NPFFR1: variants seen among roughly 807,000 people sequenced by gnomAD.
NPFFR1 encodes the protein G-protein coupled receptor 147.
In NPFFR1, 17 loss-of-function variants were observed where a neutral mutation model predicts 12.7. The observed-to-expected ratio is 1.34, with a 90% CI of 0.92 to 2.01. NPFFR1 has a LOEUF of 2.01. NPFFR1 is among the 30% of genes most tolerant of loss of function. The pLI is 0.00. For synonymous variants in NPFFR1, 296 were observed against 264.5 expected (o/e 1.12, Z -1.16); for missense variants, 604 against 606.5 (o/e 1.00, Z 0.04).
rs754778980 is a variant in NPFFR1, at chr10:70,255,532, C to T, written c.718G>A (p.Ala240Thr). The T allele has an allele frequency of 3.9e-6, 6 of 1,548,910 alleles. No homozygotes were observed. Among genetic ancestry groups the T allele is most frequent in the East Asian group, 2.5e-5 (1 of 40,812 alleles). The part of the protein sequence containing the change: ...ALIVVMYARI[A>T]RKLCQAPGPA... ...CCCGGGGCCTGGCAGAGCTTGCGCG[C>T]GATGCGGGCGTACATGACCACGATG... The change falls in exon 4 of 4, where the codon GCG (alanine) becomes ACG (threonine). Residue 240 changes from alanine to threonine, a missense_variant. Ala to Thr is a moderately conservative substitution (Grantham distance 58). Transcript: ENST00000277942. This position sits in a 1 kb window ranked among gnomAD's most constrained non-coding sequence, Gnocchi z 4.2.
At chr10:70,261,112 T>G (rs551812151) in intron 2 of NPFFR1, among the ~76,000 whole-genome samples, 1 of 152,254 alleles carries the variant, frequency 6.6e-6, no homozygotes, top group African/African-American at 2.4e-5. Flanking sequence ...CATCTTGAAT[T>G]GTAGCTCCCA....
intron 2 of NPFFR1, among the ~76,000 whole-genome samples, chr10:70,265,503 A>G (rs896081488): frequency 1.3e-5 from 2 of 152,160 alleles, no homozygotes; most frequent in East Asian, 3.8e-4. Context: ...ACTCCAAGGG[A>G]CAGAGAGCTC....
At position 70,266,077 on chromosome 10, in the gene NPFFR1, C is replaced by T. The variant is rs780011931; in HGVS notation, c.322G>A (p.Gly108Arg). The T allele has an allele frequency of 6.2e-7, 1 of 1,613,228 alleles. No homozygotes were observed. The highest frequency in any genetic ancestry group is 1.1e-5 in the South Asian group (1 of 90,940). Residue 108 changes from glycine (G) to arginine (R), a missense_variant and splice_region_variant, in exon 2 of 4, where the codon GGG becomes AGG. By Grantham distance (125) the Gly-to-Arg change is moderately radical. Transcript: ENST00000277942. ...PTTLVDNLIT[G>R]WPFDNATCKM... ...CCTGCTGCCAACTGCCCGCACTCAC[C>T]AGTGATGAGGTTGTCCACAAGGGTG...
rs372225257 is a variant in NPFFR1 at position 70,250,119 on chromosome 10, C to G, written c.*4838G>C. Reference sequence around the variant, plus strand: ...AGAGATGGGGTTTCCCCATATTGGCCAGGCTGGTCTTGAACTCCTGACCTC... The same window carrying G: ...AGAGATGGGGTTTCCCCATATTGGCGAGGCTGGTCTTGAACTCCTGACCTC... On this transcript the variant is annotated 3_prime_UTR_variant, in exon 4 of 4. Transcript: ENST00000277942. 6.6e-6 allele frequency: 1 copy of G among 152,114 alleles called. No individual in the cohort carries two copies. Among genetic ancestry groups the G allele is most frequent in the Admixed American group, 6.6e-5 (1 of 15,260 alleles). 9.4% of individuals were successfully genotyped at this position (152,114 alleles called of 1,614,324 possible). A position where few individuals can be genotyped will look rare whatever the true frequency, so the allele number is the denominator to read the frequency against.
At chr10:70,280,174 G>A (rs1015248595) in intron 1 of NPFFR1, among the ~76,000 whole-genome samples, 7 of 152,136 alleles carry the variant, frequency 4.6e-5, no homozygotes, top group East Asian at 1.9e-4. Context: ...TGTGGATAGC[G>A]CTGCAATAAA....
rs556631138 is a variant in NPFFR1 at position 70,283,898 on chromosome 10, C to G, written c.-222G>C. Among the ~76,000 whole-genome samples the G allele has an allele frequency of 6.6e-6, 1 of 152,182 alleles. No homozygotes were observed. Among genetic ancestry groups the G allele is most frequent in the Non-Finnish European group, 1.5e-5 (1 of 68,012 alleles). On this transcript the variant is annotated 5_prime_UTR_variant, in exon 1 of 4. Coordinates refer to ENST00000277942, the MANE Select transcript of NPFFR1 (RefSeq NM_022146.5). ...CCCTCCCCTCGGGCTGACTGGCTCC[C>G]GCGCAGCGCTGCTGCCCGCAGGGCT...
chr10:70,264,693 A>G (rs1365049866), intron 2 of NPFFR1, among the ~76,000 whole-genome samples: 1 of 152,198 alleles, frequency 6.6e-6, no homozygotes, highest in African/African-American at 2.4e-5. Flanking sequence ...GCACTCGCAT[A>G]AAATAGTGTT....
At chr10:70,276,388 G>A (rs1840804670) in intron 1 of NPFFR1, among the ~76,000 whole-genome samples, 1 of 152,076 alleles carries the variant, frequency 6.6e-6, no homozygotes, top group African/African-American at 2.4e-5. Flanking sequence ...GAAATATTCT[G>A]ATAAACTTGT....
rs374174111 is a variant in NPFFR1, at chr10:70,266,126, C to A, written c.273G>T (p.Leu91=). The stretch of plus-strand genomic sequence containing the variant: ...TGGTGGGCATGCAGAAGATGCCCAC[C>A]AGCAGGTCACTGACAGCCAGGTTGA... ...FILNLAVSDL[L]VGIFCMPTTL... The change falls in exon 2 of 4, where the codon CTG becomes CTT. Residue 91 remains leucine, a synonymous_variant. Coordinates refer to ENST00000277942, the MANE Select transcript of NPFFR1 (RefSeq NM_022146.5). 3.1e-6 allele frequency: 5 copies of A among 1,614,024 alleles called. No homozygotes were observed. Among genetic ancestry groups the A allele is most frequent in the Non-Finnish European group, 4.2e-6 (5 of 1,179,896 alleles).
rs751131927 is a variant in NPFFR1, at chr10:70,255,447, ACG to A, written c.801_802del (p.Val268GlyfsTer118). The A allele has an allele frequency of 6.5e-7, 1 of 1,547,770 alleles. No homozygotes were observed. The highest frequency in any genetic ancestry group is 1.2e-5 in the South Asian group (1 of 84,002). On this transcript the variant is annotated frameshift_variant, in exon 4 of 4. Transcript: ENST00000277942. LOFTEE classifies it low-confidence loss of function (END_TRUNC). The surrounding 1 kb of genome is among the most constrained non-coding windows in gnomAD (Gnocchi z 4.2). ...CGCCACCATGACCAGCATGTGCACC[ACG>A]CGCGCTCTGCGCCGCGATGCTCGCG...
At chr10:70,274,682 A>G (rs1489012671) in intron 1 of NPFFR1, among the ~76,000 whole-genome samples, 2 of 152,152 alleles carry the variant, frequency 1.3e-5, no homozygotes, top group Non-Finnish European at 2.9e-5. Flanking sequence ...TGGCTTTCGA[A>G]TGTGGATGAC....
intron 3 of NPFFR1, among the ~76,000 whole-genome samples, chr10:70,257,453 G>C (rs914346564): frequency 5.9e-5 from 9 of 152,234 alleles, no homozygotes; most frequent in African/African-American, 2.2e-4. Context: ...TTTACAAACA[G>C]TATACTTGGT....
intron 3 of NPFFR1, among the ~76,000 whole-genome samples, chr10:70,258,633 T>G (rs918593747): frequency 1.3e-5 from 2 of 152,164 alleles, no homozygotes; most frequent in Non-Finnish European, 2.9e-5. Context: ...CTTGAGACAT[T>G]TCAAATGCTT....
intron 1 of NPFFR1, among the ~76,000 whole-genome samples, chr10:70,268,264 CA>C (rs1840715941): frequency 6.6e-6 from 1 of 151,800 alleles, no homozygotes; most frequent in Admixed American, 6.6e-5. Context: ...AATAAGGACT[CA>C]AAAAAACAAC....
rs1840477241 is a variant in NPFFR1, at chr10:70,248,489, T to TTTTTTTTTG, written c.*6467_*6468insCAAAAAAAA. The TTTTTTTTTG allele has an allele frequency of 8.8e-6, 1 of 113,880 alleles. No individual in the cohort carries two copies. Among genetic ancestry groups the TTTTTTTTTG allele is most frequent in the Non-Finnish European group, 1.8e-5 (1 of 57,096 alleles). The allele number at this position is 113,880 out of a possible 1,614,324, so 7.1% of individuals were successfully genotyped here. A position where few individuals can be genotyped will look rare whatever the true frequency, so the allele number is the denominator to read the frequency against. The stretch of plus-strand genomic sequence containing the variant: ...GGCGTTTTTTTTTTGTTTTTTGTTT[T>TTTTTTTTTG]TTTTTTTTTTTTTTGAGATGGAGTC... On this transcript the variant is annotated 3_prime_UTR_variant, in exon 4 of 4. Coordinates refer to ENST00000277942, the MANE Select transcript of NPFFR1 (RefSeq NM_022146.5).
intron 2 of NPFFR1, 41 bp downstream of exon 2, chr10:70,266,036 G>A (rs1193498615): frequency 1.9e-6 from 3 of 1,549,702 alleles, no homozygotes; most frequent in African/African-American, 1.4e-5. Context: ...AGTTGAAGTG[G>A]GGGGTAGGGG....
intron 1 of NPFFR1, among the ~76,000 whole-genome samples, chr10:70,283,142 G>GTT (rs386371755): frequency 6.6e-6 from 1 of 151,754 alleles, no homozygotes; most frequent in Non-Finnish European, 1.5e-5. Context: ...TTGTGTGTGT[G>GTT]TGTGTGTGTG....
chr10:70,255,710 C>T lies in NPFFR1; in HGVS notation c.540G>A (p.Leu180=). The T allele has an allele frequency of 6.2e-7, 1 of 1,608,298 alleles. No individual in the cohort carries two copies. The highest frequency in any genetic ancestry group is 8.5e-7 in the Non-Finnish European group (1 of 1,177,644). Residue 180 remains leucine, a synonymous_variant, in exon 4 of 4, where the codon CTG becomes CTA. Coordinates refer to ENST00000277942, the MANE Select transcript of NPFFR1 (RefSeq NM_022146.5). The surrounding 1 kb of genome is among the most constrained non-coding windows in gnomAD (Gnocchi z 4.2). The stretch of plus-strand genomic sequence containing the variant: ...AGTGGTGCTCCTCACGGGTGACGGT[C>T]AGCGTGACGGCCGAGGGACACATGA... ...LLIMCPSAVT[L]TVTREEHHFM... is the part of the protein sequence containing the mutation.
rs1194119618 is a variant in NPFFR1 at position 70,252,440 on chromosome 10, A to C, written c.*2517T>G. On this transcript the variant is annotated 3_prime_UTR_variant, in exon 4 of 4. Coordinates refer to ENST00000277942, the MANE Select transcript of NPFFR1 (RefSeq NM_022146.5). ...CAGTTTGGGATAATAAAAAATTCTG[A>C]AAATAGATAGTGGTAATGGTTACAC... 1 of 152,238 alleles carries C rather than the reference A, an allele frequency of 6.6e-6. No individual in the cohort carries two copies. Among genetic ancestry groups the C allele is most frequent in the Non-Finnish European group, 1.5e-5 (1 of 68,042 alleles). The allele number at this position is 152,238 out of a possible 1,614,324, so 9.4% of individuals were successfully genotyped here.
Sources: allele counts gnomAD v4.1 joint callset (sites outside exome capture counted in the v4.1 genomes callset), GRCh38; gene constraint gnomAD v4.1.1; non-coding constraint Gnocchi (gnomAD v3.1); transcripts MANE v1.5; gene names NCBI Gene and HGNC (gene_info 2026-07-23, HGNC 2026-07-21).